Variants in ANO3 observed in about 807,000 individuals in gnomAD.
ANO3 encodes the protein anoctamin-3.
A neutral mutation model predicts 144.8 loss-of-function variants in ANO3; 99 were observed. That is an observed-to-expected ratio of 0.68 (90% CI 0.58 to 0.81). ANO3 has a LOEUF of 0.81. ANO3 is among the 30% of genes least tolerant of loss of function. ANO3 has a pLI of 0.00. For missense variants in ANO3, 905 were observed against 1,202.2 expected (o/e 0.75, Z 3.66); for synonymous variants, 414 against 392.6 (o/e 1.05, Z -0.64).
At chr11:26,268,952 T>C (rs888861092) in intron 1 of ANO3, among the ~76,000 whole-genome samples, 5 of 152,148 alleles carry the variant, frequency 3.3e-5, no homozygotes, top group Non-Finnish European at 4.4e-5. Flanking sequence ...AATATGACTT[T>C]CCCTAAAACT....
At chr11:26,509,882 G>A (rs981057513) in intron 5 of ANO3, among the ~76,000 whole-genome samples, 1 of 151,942 alleles carries the variant, frequency 6.6e-6, no homozygotes, top group Non-Finnish European at 1.5e-5. Context: ...CATGGCTCAC[G>A]CTTATAATCC....
chr11:26,566,238 A>G (rs984427862), intron 14 of ANO3, among the ~76,000 whole-genome samples: 1 of 152,020 alleles, frequency 6.6e-6, no homozygotes, highest in African/African-American at 2.4e-5. Flanking sequence ...TAAAACATGT[A>G]TATGAACTGT....
At chr11:26,454,419 C>T (rs1227285592) in intron 3 of ANO3, among the ~76,000 whole-genome samples, 1 of 152,102 alleles carries the variant, frequency 6.6e-6, no homozygotes, top group African/African-American at 2.4e-5. Flanking sequence ...CACAGAAATA[C>T]AAACTACCAT....
intron 1 of ANO3, among the ~76,000 whole-genome samples, chr11:26,365,632 AC>A (rs1222166560): frequency 3.9e-5 from 6 of 152,146 alleles, no homozygotes; most frequent in Non-Finnish European, 7.4e-5. Flanking sequence ...AATGGCTTGT[AC>A]CCCTGGAGTA....
At chr11:26,373,889 G>C (rs968933806) in intron 1 of ANO3, among the ~76,000 whole-genome samples, 7 of 152,154 alleles carry the variant, frequency 4.6e-5, no homozygotes, top group Non-Finnish European at 8.8e-5. Flanking sequence ...CAACAAGTAA[G>C]TTTCCAAAAA....
At chr11:26,532,403 A>G (rs1045276451) in intron 8 of ANO3, among the ~76,000 whole-genome samples, 2 of 151,502 alleles carry the variant, frequency 1.3e-5, no homozygotes, top group African/African-American at 4.8e-5. Context: ...AAAACATTCT[A>G]CTCTTTTTTT....
rs924056286 is a variant in ANO3, at chr11:26,632,568, A to T, written c.1874-1636A>T. Among the ~76,000 whole-genome samples, 11 of 145,850 alleles carry T rather than the reference A, an allele frequency of 7.5e-5. 1 individual carries two copies. Among genetic ancestry groups the T allele is most frequent in the African/African-American group, 2.5e-4 (10 of 39,578 alleles). ...AAATATATATAATATATAAATATATAAAAAATATACGTTTTATATATATAT... is the reference window on the plus strand; with the variant it reads ...AAATATATATAATATATAAATATATTAAAAATATACGTTTTATATATATAT... On this transcript the variant is annotated intron_variant, in intron 18 of 26. Transcript: ENST00000256737.
At chr11:26,329,834 A>G (rs1238630975), upstream of ANO3, among the ~76,000 whole-genome samples, 5 of 146,346 alleles carry the variant, frequency 3.4e-5, no homozygotes, top group South Asian at 8.6e-4. Context: ...TTTTTTTGAG[A>G]CGGAGTCTCG....
chr11:26,519,975 A>AT (rs1862006592), intron 6 of ANO3, among the ~76,000 whole-genome samples: 1 of 148,970 alleles, frequency 6.7e-6, no homozygotes. Context: ...GATTTTACTA[A>AT]TTTAAAAAAA....
chr11:26,246,035 TA>T (rs1421054084), intron 1 of ANO3, among the ~76,000 whole-genome samples: 1 of 152,098 alleles, frequency 6.6e-6, no homozygotes, highest in Non-Finnish European at 1.5e-5. Context: ...TTTGGGTAGA[TA>T]AGGGAAATTC....
chr11:26,621,322 C>T (rs1852408907), intron 17 of ANO3, among the ~76,000 whole-genome samples: 1 of 152,084 alleles, frequency 6.6e-6, no homozygotes, highest in Admixed American at 6.5e-5. Context: ...CTTACTACTT[C>T]ACTGTCTTAT....
intron 24 of ANO3, among the ~76,000 whole-genome samples, chr11:26,650,327 C>A (rs1325644995): frequency 6.6e-6 from 1 of 152,110 alleles, no homozygotes; most frequent in Non-Finnish European, 1.5e-5. Flanking sequence ...TGGAGTGAAG[C>A]CAGCATAGCT....
At position 26,332,132 on chromosome 11, in the gene ANO3, A is replaced by C; in HGVS notation, c.-144A>C. On this transcript the variant is annotated 5_prime_UTR_variant, in exon 1 of 27. Coordinates refer to ENST00000256737, the MANE Select transcript of ANO3 (RefSeq NM_031418.4). ...CGACACCGGCGGGCGCGTAGCCTGG[A>C]GAGCGAAGTGCCGGCTACAGCAGGT... is the stretch of plus-strand genomic sequence containing the variant. 6.6e-7 allele frequency: 1 copy of C among 1,515,032 alleles called. No homozygotes were observed. The highest frequency in any genetic ancestry group is 8.8e-7 in the Non-Finnish European group (1 of 1,133,296). 93.8% of individuals were successfully genotyped at this position (1,515,032 alleles called of 1,614,324 possible). A position where few individuals can be genotyped will look rare whatever the true frequency, so the allele number is the denominator to read the frequency against.
intron 14 of ANO3, among the ~76,000 whole-genome samples, chr11:26,595,341 G>T (rs1426395892): frequency 6.6e-6 from 1 of 151,902 alleles, no homozygotes; most frequent in East Asian, 1.9e-4. Flanking sequence ...CTGGATTCCT[G>T]AGTACTTCAA....
At chr11:26,429,821 A>G (rs1858026940) in intron 1 of ANO3, among the ~76,000 whole-genome samples, 1 of 152,234 alleles carries the variant, frequency 6.6e-6, no homozygotes, top group East Asian at 1.9e-4. Flanking sequence ...ATAAATCAGT[A>G]TCATTTAGAA....
intron 17 of ANO3, among the ~76,000 whole-genome samples, chr11:26,601,439 A>T (rs1168212490): frequency 3.3e-5 from 5 of 152,246 alleles, no homozygotes. Context: ...GCTCGGGTCC[A>T]GTTTAGTTTG....
At chr11:26,478,293 TA>T (rs1402071409) in intron 4 of ANO3, among the ~76,000 whole-genome samples, 2 of 152,322 alleles carry the variant, frequency 1.3e-5, no homozygotes, top group Non-Finnish European at 2.9e-5. Context: ...ATCACATGTC[TA>T]TTCTTTGCAC....
chr11:26,236,969 C>T (rs1852545614), intron 1 of ANO3, among the ~76,000 whole-genome samples: 1 of 151,752 alleles, frequency 6.6e-6, no homozygotes, highest in African/African-American at 2.4e-5. Flanking sequence ...GTTCAAAACC[C>T]AGTTATCTGT....
In ANO3 at chr11:26,371,554, C is replaced by T. The variant is rs1363365442; in HGVS notation, c.46+39233C>T. On this transcript the variant is annotated intron_variant, in intron 1 of 26. Transcript: ENST00000256737. Reference sequence around the variant, plus strand: ...ATCCACCAACAGCTTGCACCATGCACCTGGAAGAGCCGCAGGCACTCAACG... The same window carrying T: ...ATCCACCAACAGCTTGCACCATGCATCTGGAAGAGCCGCAGGCACTCAACG... 2.0e-5 allele frequency among the ~76,000 whole-genome samples: 3 copies of T among 152,294 alleles called. No individual in the cohort carries two copies. The East Asian group carries it at 5.8e-4, about 30-fold the overall frequency.
Sources: allele counts gnomAD v4.1 joint callset (sites outside exome capture counted in the v4.1 genomes callset), GRCh38; gene constraint gnomAD v4.1.1; transcripts MANE v1.5; gene names NCBI Gene and HGNC (gene_info 2026-07-23, HGNC 2026-07-21).